KHDRBS3: variants seen among roughly 807,000 people sequenced by gnomAD.
KHDRBS3 encodes KH domain-containing, RNA-binding, signal transduction-associated protein 3.
A neutral mutation model predicts 45.6 loss-of-function variants in KHDRBS3; 23 were observed. The observed-to-expected ratio is 0.50, with a 90% CI of 0.36 to 0.72. The LOEUF is 0.72. Ranked by LOEUF, KHDRBS3 falls within the 30% of genes least tolerant of loss-of-function variation. The probability of loss-of-function intolerance (pLI) is 0.00; values close to 1 mark genes in which losing one functional copy is unlikely to be tolerated. For missense variants in KHDRBS3, 352 were observed against 424.8 expected (o/e 0.83, Z 1.51); for synonymous variants, 162 against 156.5 (o/e 1.04, Z -0.26).
chr8:135,640,018 A>G (rs750888254), intron 7 of KHDRBS3, among the ~76,000 whole-genome samples: 9 of 152,184 alleles, frequency 5.9e-5, no homozygotes, highest in Non-Finnish European at 1.3e-4. Context: ...AAGAATTGTC[A>G]TTAGAGGTAA....
At chr8:135,574,046 C>A (rs529972066) in intron 5 of KHDRBS3, among the ~76,000 whole-genome samples, 1 of 152,288 alleles carries the variant, frequency 6.6e-6, no homozygotes, top group South Asian at 2.1e-4. Flanking sequence ...GATGCTTTTT[C>A]TCTTCTCATC....
chr8:135,466,338 C>T (rs966677706), intron 1 of KHDRBS3, among the ~76,000 whole-genome samples: 3 of 152,146 alleles, frequency 2.0e-5, no homozygotes, highest in Non-Finnish European at 4.4e-5. Context: ...TTGTTGTTCT[C>T]ATTTTACAGG....
chr8:135,618,582 G>A (rs1298863632), intron 7 of KHDRBS3, among the ~76,000 whole-genome samples: 1 of 152,132 alleles, frequency 6.6e-6, no homozygotes, highest in African/African-American at 2.4e-5. Flanking sequence ...GTAAGTAACT[G>A]AGTTGTAGTT....
chr8:135,598,297 A>C (rs576899621), intron 6 of KHDRBS3, among the ~76,000 whole-genome samples: 5 of 152,368 alleles, frequency 3.3e-5, no homozygotes, highest in African/African-American at 1.2e-4. Context: ...TTAGGTATGA[A>C]CTATGCCAAA....
rs961520788 is a variant in KHDRBS3 at position 135,468,344 on chromosome 8, G to C, written c.88+10390G>C. Among the ~76,000 whole-genome samples, 10 of 152,294 alleles carry C rather than the reference G, an allele frequency of 6.6e-5. No individual in the cohort carries two copies. In the East Asian group the frequency reaches 1.9e-3, roughly 29 times the overall value. On this transcript the variant is annotated intron_variant, in intron 1 of 8. Coordinates refer to ENST00000355849, the MANE Select transcript of KHDRBS3 (RefSeq NM_006558.3). ...AGGTGCCCTGGTTTCTTTTAGTGTG[G>C]AATGTTGTTTAGAAGCCAAGATCTG...
chr8:135,505,613 A>C (rs1370204841), intron 1 of KHDRBS3, among the ~76,000 whole-genome samples: 2 of 152,176 alleles, frequency 1.3e-5, no homozygotes, highest in Non-Finnish European at 2.9e-5. Flanking sequence ...AATGGGGAGT[A>C]CTGAAGTGAT....
Position 135,581,988 on chromosome 8 carries a change from T to G in KHDRBS3, c.722T>G (p.Leu241Arg). Residue 241 changes from leucine (L) to arginine (R), a missense_variant, in exon 6 of 9, where the codon CTT becomes CGT. Physicochemically the swap from Leu to Arg is moderately radical, Grantham distance 102. Transcript: ENST00000355849. Reference protein sequence around the residue: ...TRGPVSRGRGLLTPRARGVPP... With the variant: ...TRGPVSRGRGRLTPRARGVPP... ...GGGCCAGTGAGTCGGGGAAGAGGAC[T>G]TCTCACTCCCAGAGCAAGAGGAGTC... 5 of 1,613,316 alleles carry G rather than the reference T, an allele frequency of 3.1e-6. No homozygotes were observed. The highest frequency in any genetic ancestry group is 3.4e-6 in the Non-Finnish European group (4 of 1,179,660).
At chr8:135,514,194 A>G (rs994719997) in intron 1 of KHDRBS3, among the ~76,000 whole-genome samples, 3 of 152,234 alleles carry the variant, frequency 2.0e-5, no homozygotes, top group Non-Finnish European at 2.9e-5. Flanking sequence ...AGAACGTCCA[A>G]TGCTTGTGAT....
chr8:135,514,250 A>G (rs544835815), intron 1 of KHDRBS3, among the ~76,000 whole-genome samples: 29 of 152,366 alleles, frequency 1.9e-4, no homozygotes, highest in African/African-American at 6.3e-4. Flanking sequence ...GAAAGAAGGA[A>G]AAAAGAGATT....
intron 1 of KHDRBS3, among the ~76,000 whole-genome samples, chr8:135,489,026 C>G (rs994843867): frequency 3.9e-5 from 6 of 152,130 alleles, no homozygotes; most frequent in African/African-American, 1.4e-4. Flanking sequence ...TGTGTAAAAG[C>G]CCAGTAATGT....
chr8:135,566,434 T>C (rs1827418946), intron 5 of KHDRBS3, among the ~76,000 whole-genome samples: 1 of 152,164 alleles, frequency 6.6e-6, no homozygotes, highest in African/African-American at 2.4e-5. Flanking sequence ...TCTTCATAAT[T>C]CAATCAAACA....
At chr8:135,642,311 C>T (rs1440681160) in intron 7 of KHDRBS3, among the ~76,000 whole-genome samples, 2 of 152,172 alleles carry the variant, frequency 1.3e-5, no homozygotes, top group Non-Finnish European at 2.9e-5. Flanking sequence ...AGTTGAGTGA[C>T]CCTGGGCAGA....
intron 1 of KHDRBS3, among the ~76,000 whole-genome samples, chr8:135,477,417 G>GA (rs1822347224): frequency 6.6e-6 from 1 of 152,044 alleles, no homozygotes; most frequent in African/African-American, 2.4e-5. Context: ...TAAAATATTG[G>GA]AAAAATGTAG....
intron 4 of KHDRBS3, among the ~76,000 whole-genome samples, chr8:135,553,506 T>TTA (rs1438778400): frequency 6.6e-6 from 1 of 152,200 alleles, no homozygotes; most frequent in Non-Finnish European, 1.5e-5. Flanking sequence ...TAATATTTTA[T>TTA]TATATGCATG....
intron 5 of KHDRBS3, among the ~76,000 whole-genome samples, chr8:135,562,407 C>CTAT (rs1306111675): frequency 3.3e-5 from 5 of 152,106 alleles, no homozygotes; most frequent in African/African-American, 1.2e-4. Context: ...ATAGCCTAGG[C>CTAT]GTGTAGTAGG....
chr8:135,630,422 A>C (rs1387183262), intron 7 of KHDRBS3, among the ~76,000 whole-genome samples: 1 of 151,950 alleles, frequency 6.6e-6, no homozygotes, highest in Non-Finnish European at 1.5e-5. Flanking sequence ...TACCAAACCT[A>C]CTTTTTTTTT....
chr8:135,594,241 CAGAAGTG>C (rs1194183019), intron 6 of KHDRBS3, among the ~76,000 whole-genome samples: 1 of 152,136 alleles, frequency 6.6e-6, no homozygotes, highest in African/African-American at 2.4e-5. Context: ...GGTTGGGTGA[CAGAAGTG>C]GAAGGCCAGT....
intron 1 of KHDRBS3, among the ~76,000 whole-genome samples, chr8:135,484,038 TG>T (rs1822721370): frequency 6.6e-6 from 1 of 152,184 alleles, no homozygotes; most frequent in South Asian, 2.1e-4. Context: ...CTGTATGTCC[TG>T]GGGGAAGTAA....
intron 1 of KHDRBS3, among the ~76,000 whole-genome samples, chr8:135,470,279 T>C (rs977269561): frequency 3.9e-5 from 6 of 151,988 alleles, no homozygotes; most frequent in African/African-American, 1.5e-4. Flanking sequence ...AAGTGCCTTA[T>C]AAGATTTTGA....
Sources: allele counts gnomAD v4.1 joint callset (sites outside exome capture counted in the v4.1 genomes callset), GRCh38; gene constraint gnomAD v4.1.1; transcripts MANE v1.5; gene names NCBI Gene and HGNC (gene_info 2026-07-23, HGNC 2026-07-21).